The following PEPD variants were observed in gnomAD, a reference collection of about 807,000 sequenced individuals.
The protein encoded by PEPD is peptidase D, also known as xaa-Pro dipeptidase.
A neutral mutation model predicts 60.7 loss-of-function variants in PEPD; 53 were observed. That is an observed-to-expected ratio of 0.87 (90% CI 0.70 to 1.10). The LOEUF (loss-of-function observed/expected upper bound fraction) is 1.10, where lower values mean the gene tolerates loss of function less well. Ranked by LOEUF, PEPD falls within the 50% of genes least tolerant of loss-of-function variation. The pLI is 0.00. For synonymous variants in PEPD, 267 were observed against 284.1 expected, an observed-to-expected ratio of 0.94 and a Z score of 0.60; for missense variants, 711 against 711.9, an observed-to-expected ratio of 1.00 and a Z score of 0.01.
rs773096608 is a variant in PEPD, at chr19:33,413,603, G to A, written c.712C>T (p.His238Tyr). The A allele has an allele frequency of 6.3e-7, 1 of 1,587,124 alleles. No homozygotes were observed. Among genetic ancestry groups the A allele is most frequent in the South Asian group, 1.2e-5 (1 of 86,928 alleles). Residue 238 changes from histidine (H) to tyrosine (Y), a missense_variant, in exon 10 of 15, where the codon CAC (histidine) becomes TAC (tyrosine). His to Tyr is a moderately conservative substitution (Grantham distance 83, BLOSUM62 2). Coordinates refer to ENST00000244137, the MANE Select transcript of PEPD (RefSeq NM_000285.4). ...CCGCAGATGCAGGTGTAGGAGCTGT[G>A]GCGCATGCCGCCCCGGGAGTAGCAG... ...HYCYSRGGMRHSSYTCICGSG... is the reference protein window; with the variant it reads ...HYCYSRGGMRYSSYTCICGSG...
chr19:33,458,420 G>A (rs1213232361), intron 9 of PEPD, among the ~76,000 whole-genome samples: 2 of 151,282 alleles, frequency 1.3e-5, no homozygotes, highest in East Asian at 3.9e-4. Flanking sequence ...TGTATGGCGT[G>A]TCATATGTAT....
chr19:33,391,252 C>T (rs1968210590), intron 13 of PEPD, 43 bp downstream of exon 13: 1 of 1,525,172 alleles, frequency 6.6e-7, no homozygotes. Flanking sequence ...GGCTCAGCGG[C>T]AGCTGATGGG....
At chr19:33,508,945 A>G (rs1970866667) in intron 3 of PEPD, among the ~76,000 whole-genome samples, 1 of 152,196 alleles carries the variant, frequency 6.6e-6, no homozygotes. Flanking sequence ...GGGCCTCCAG[A>G]GCAGCATCAC....
At chr19:33,398,209 G>A (rs1968410677) in intron 12 of PEPD, among the ~76,000 whole-genome samples, 1 of 152,258 alleles carries the variant, frequency 6.6e-6, no homozygotes, top group Non-Finnish European at 1.5e-5. Context: ...ACCAAGCTGA[G>A]CTCCTCAGCC....
chr19:33,409,397 C>T (rs1157905687), intron 11 of PEPD, among the ~76,000 whole-genome samples: 2 of 152,148 alleles, frequency 1.3e-5, no homozygotes, highest in Non-Finnish European at 2.9e-5. Flanking sequence ...GGCTGGGCAC[C>T]GTGGCTCACA....
intron 13 of PEPD, chr19:33,388,637 T>G (rs1037242842): frequency 4.7e-6 from 1 of 211,220 alleles, no homozygotes; most frequent in Non-Finnish European, 9.9e-6. Context: ...CTGCCAGCCT[T>G]AGTGCGCCAG....
chr19:33,507,185 C>T (rs189023521), intron 3 of PEPD, among the ~76,000 whole-genome samples: 6 of 152,122 alleles, frequency 3.9e-5, no homozygotes, highest in Admixed American at 3.3e-4. Flanking sequence ...GGACGGAATG[C>T]GTTACAAAGG....
intron 3 of PEPD, among the ~76,000 whole-genome samples, chr19:33,502,148 T>C (rs1349995397): frequency 2.6e-5 from 4 of 152,096 alleles, no homozygotes. Context: ...GAACACAAAC[T>C]GCACAGGGGA....
chr19:33,393,115 C>T (rs1968265152), intron 12 of PEPD, among the ~76,000 whole-genome samples: 1 of 152,082 alleles, frequency 6.6e-6, no homozygotes, highest in Non-Finnish European at 1.5e-5. Context: ...CAGAGCCCAG[C>T]TCCCCATCAG....
intron 11 of PEPD, among the ~76,000 whole-genome samples, chr19:33,411,326 C>T (rs3786907): frequency 0.023 from 3,567 of 152,248 alleles, 66 homozygotes; most frequent in South Asian, 0.056. Flanking sequence ...CAGAAAGATG[C>T]GAGCGTGGTG....
intron 6 of PEPD, among the ~76,000 whole-genome samples, chr19:33,486,094 C>A (rs1304241637): frequency 6.6e-6 from 1 of 151,966 alleles, no homozygotes; most frequent in Non-Finnish European, 1.5e-5. Flanking sequence ...GCCCTAACGT[C>A]TACCTCCTTA....
rs755350900 is a variant in PEPD, at chr19:33,501,000, T to C, written c.331A>G (p.Ile111Val). Residue 111 changes from isoleucine to valine, a missense_variant and splice_region_variant, in exon 4 of 15, where the codon ATC becomes GTC. Physicochemically the swap from Ile to Val is conservative, Grantham distance 29. Transcript: ENST00000244137. ...TCCTTGAAGTGCTCCTTGGAATGGA[T>C]CCTCAAAGAAAAGCACAAGGAATAT... ...PASHATWMGK[I>V]HSKEHFKEKY... is the part of the protein sequence containing the mutation. The C allele has an allele frequency of 3.2e-5, 51 of 1,587,530 alleles. 1 individual carries two copies. In the South Asian group the frequency reaches 4.5e-4, roughly 14 times the overall value.
chr19:33,493,650 G>C (rs915676029), intron 4 of PEPD, among the ~76,000 whole-genome samples: 1 of 151,950 alleles, frequency 6.6e-6, no homozygotes, highest in African/African-American at 2.4e-5. Flanking sequence ...ACCCTCCAAG[G>C]CCAGCCCCTC....
intron 10 of PEPD, among the ~76,000 whole-genome samples, chr19:33,412,604 G>C (rs1275039052): frequency 1.3e-5 from 2 of 152,230 alleles, no homozygotes; most frequent in Non-Finnish European, 2.9e-5. Flanking sequence ...TGTCCAAAGG[G>C]GGGAAGGAAA....
intron 9 of PEPD, among the ~76,000 whole-genome samples, chr19:33,419,032 C>A (rs568069405): frequency 2.6e-5 from 4 of 152,202 alleles, no homozygotes; most frequent in Non-Finnish European, 4.4e-5. Context: ...CTCTGCTGCC[C>A]GGAGCTCCTC....
At chr19:33,406,303 C>G (rs1002077154) in intron 11 of PEPD, among the ~76,000 whole-genome samples, 1 of 152,220 alleles carries the variant, frequency 6.6e-6, no homozygotes. Context: ...CCACGAAGCA[C>G]AAACAAGAGA....
chr19:33,448,708 G>A (rs75541809), intron 9 of PEPD, among the ~76,000 whole-genome samples: 19,383 of 152,012 alleles, frequency 0.13, 1,458 homozygotes, highest in East Asian at 0.26. Flanking sequence ...ACGGGGAGCG[G>A]TGGGGCCTGT....
chr19:33,521,663 C>T (rs529887506), intron 1 of PEPD, 81 bp downstream of exon 1: 3 of 1,423,556 alleles, frequency 2.1e-6, no homozygotes, highest in South Asian at 2.4e-5. Flanking sequence ...CCCCGGCTGA[C>T]GCTCTCACCC....
chr19:33,410,886 C>T (rs1968749191), intron 11 of PEPD, among the ~76,000 whole-genome samples: 1 of 152,084 alleles, frequency 6.6e-6, no homozygotes, highest in Admixed American at 6.5e-5. Flanking sequence ...CCTGGGCTGG[C>T]CCTGGCTGAC....
Sources: allele counts gnomAD v4.1 joint callset (sites outside exome capture counted in the v4.1 genomes callset), GRCh38; gene constraint gnomAD v4.1.1; transcripts MANE v1.5; gene names NCBI Gene and HGNC (gene_info 2026-07-23, HGNC 2026-07-21).